The following CDH10 variants were observed in gnomAD, a reference collection of about 807,000 sequenced individuals.
CDH10 encodes the protein cadherin 10.
Under a neutral mutation model 73.1 loss-of-function variants are expected in CDH10, and 30 were observed. The ratio of observed to expected loss-of-function variants is 0.41; its 90% CI spans 0.31 to 0.56. The LOEUF (loss-of-function observed/expected upper bound fraction) is 0.56, where lower values mean the gene tolerates loss of function less well. Among genes scored for constraint, CDH10 ranks in the 20% least tolerant of loss-of-function variants. The probability of loss-of-function intolerance (pLI) is 0.27; values close to 1 mark genes in which losing one functional copy is unlikely to be tolerated. For synonymous variants in CDH10, 345 were observed against 348.2 expected, an observed-to-expected ratio of 0.99 and a Z score of 0.10; for missense variants, 815 against 973.7, an observed-to-expected ratio of 0.84 and a Z score of 2.17.
In CDH10 at chr5:24,544,849, T is replaced by C. The variant is rs1425666259; in HGVS notation, c.232-7175A>G. 3.9e-5 allele frequency among the ~76,000 whole-genome samples: 6 copies of C among 152,184 alleles called. No individual in the cohort carries two copies. In the East Asian group the frequency reaches 7.7e-4, roughly 20 times the overall value. On this transcript the variant is annotated intron_variant, in intron 2 of 11. Transcript: ENST00000264463. ...TTCTTGAAGCATTTCAACTAGGATA[T>C]ATTTATTTGCTAGCATTGGAAAGAT...
At chr5:24,642,330 A>T (rs562146400) in intron 1 of CDH10, among the ~76,000 whole-genome samples, 2 of 152,146 alleles carry the variant, frequency 1.3e-5, no homozygotes, top group African/African-American at 4.8e-5. Flanking sequence ...GAAATCCCCC[A>T]GATAGTATAT....
intron 11 of CDH10, among the ~76,000 whole-genome samples, chr5:24,490,202 A>C (rs2111626428): frequency 6.6e-6 from 1 of 152,228 alleles, no homozygotes; most frequent in East Asian, 1.9e-4. Context: ...TTTAAAGTAT[A>C]AATCCCCCAA....
intron 1 of CDH10, among the ~76,000 whole-genome samples, chr5:24,637,133 T>C (rs1747892134): frequency 6.6e-6 from 1 of 151,988 alleles, no homozygotes; most frequent in South Asian, 2.1e-4. Context: ...ATATAACAAG[T>C]CATGTGATTA....
chr5:24,527,712 C>T (rs778256449), intron 5 of CDH10, among the ~76,000 whole-genome samples: 37 of 151,816 alleles, frequency 2.4e-4, no homozygotes, highest in Non-Finnish European at 4.9e-4. Context: ...TCTAATCTTA[C>T]GAGACCACCA....
chr5:24,563,349 C>G (rs541026488), intron 2 of CDH10, among the ~76,000 whole-genome samples: 152 of 114,828 alleles, frequency 1.3e-3, no homozygotes, highest in African/African-American at 7.1e-3. Context: ...TGCGTTTCCA[C>G]TTACGCCTTT....
rs531434306 is a variant in CDH10, at chr5:24,545,432, T to C, written c.232-7758A>G. On this transcript the variant is annotated intron_variant, in intron 2 of 11. Coordinates refer to ENST00000264463, the MANE Select transcript of CDH10 (RefSeq NM_006727.5). Reference sequence around the variant, plus strand: ...CTTTGCTATGAGCTATACAAATATCTGAGAATCATTCTTTCCTCCTTTTCA... The same window carrying C: ...CTTTGCTATGAGCTATACAAATATCCGAGAATCATTCTTTCCTCCTTTTCA... Among the ~76,000 whole-genome samples the C allele has an allele frequency of 2.0e-5, 3 of 152,334 alleles. No individual in the cohort carries two copies. The South Asian group carries it at 6.2e-4, about 32-fold the overall frequency.
intron 2 of CDH10, among the ~76,000 whole-genome samples, chr5:24,585,712 C>T (rs531394748): frequency 9.2e-5 from 14 of 152,340 alleles, no homozygotes; most frequent in Non-Finnish European, 1.6e-4. Flanking sequence ...GCATGAGCCA[C>T]CGCTCCCAGC....
chr5:24,506,369 A>G (rs1482232648), intron 7 of CDH10, among the ~76,000 whole-genome samples: 2 of 152,206 alleles, frequency 1.3e-5, no homozygotes, highest in African/African-American at 4.8e-5. Flanking sequence ...ACATTCATGT[A>G]TTAAGAAAAT....
chr5:24,608,573 G>A (rs956288786), intron 1 of CDH10, among the ~76,000 whole-genome samples: 2 of 152,138 alleles, frequency 1.3e-5, no homozygotes, highest in Non-Finnish European at 2.9e-5. Flanking sequence ...TTACAGGCGT[G>A]AGCCACCGCA....
rs557633346 is a variant in CDH10 at position 24,629,414 on chromosome 5, A to T, written c.-124+15180T>A. ...AGGGTGAGGCCAGTTGTATATATTA[A>T]GTGAAAAGGATAACAAAGAAATAAA... On this transcript the variant is annotated intron_variant, in intron 1 of 11. Coordinates refer to ENST00000264463, the MANE Select transcript of CDH10 (RefSeq NM_006727.5). Among the ~76,000 whole-genome samples, 4 of 152,310 alleles carry T rather than the reference A, an allele frequency of 2.6e-5. No homozygotes were observed. The East Asian group carries it at 5.8e-4, about 22-fold the overall frequency.
chr5:24,630,550 T>TAAAAAAAAA (rs11385411), intron 1 of CDH10, among the ~76,000 whole-genome samples: 1 of 132,946 alleles, frequency 7.5e-6, no homozygotes, highest in Admixed American at 7.6e-5. Flanking sequence ...GAGATCATCT[T>TAAAAAAAAA]AAAAAAAAAA....
rs1331030034 is a variant in CDH10 at position 24,535,820 on chromosome 5, T to A, written c.529A>T (p.Thr177Ser). The A allele has an allele frequency of 6.2e-7, 1 of 1,607,236 alleles. No homozygotes were observed. The highest frequency in any genetic ancestry group is 8.5e-7 in the Non-Finnish European group (1 of 1,175,678). ...ASVPEMSVVGTSVVQVTATDA... is the reference protein window; with the variant it reads ...ASVPEMSVVGSSVVQVTATDA... ...GTAGCTGTGACTTGCACCACAGAAG[T>A]ACCTGAAGTATCCAAATTCAGCTTA... Residue 177 changes from threonine to serine, a missense_variant and splice_region_variant, in exon 4 of 12, where the codon ACT (threonine) becomes TCT (serine). Coordinates refer to ENST00000264463, the MANE Select transcript of CDH10 (RefSeq NM_006727.5).
At chr5:24,618,621 G>A (rs1390580956) in intron 1 of CDH10, among the ~76,000 whole-genome samples, 1 of 152,192 alleles carries the variant, frequency 6.6e-6, no homozygotes, top group Non-Finnish European at 1.5e-5. Context: ...CTAGCCAACT[G>A]ATTAAGCGAA....
In CDH10 at chr5:24,594,102, C is replaced by CAAACAAAACA. The variant is rs70965620; in HGVS notation, c.-123-499_-123-490dup. Among the ~76,000 whole-genome samples, 760 of 150,416 alleles carry CAAACAAAACA rather than the reference C, an allele frequency of 5.1e-3. 24 individuals carry two copies. Among genetic ancestry groups the CAAACAAAACA allele is most frequent in the Non-Finnish European group, 2.0e-3 (138 of 67,362 alleles). Reference sequence around the variant, plus strand: ...CTACTCAGAGGTAAAAGTAAAGGCACAAACAAAACAAAACAAAACAAAACA... The same window carrying CAAACAAAACA: ...CTACTCAGAGGTAAAAGTAAAGGCACAAACAAAACAAAACAAAACAAAACAAAACAAAACA... On this transcript the variant is annotated intron_variant, in intron 1 of 11. Coordinates refer to ENST00000264463, the MANE Select transcript of CDH10 (RefSeq NM_006727.5).
chr5:24,576,728 T>C (rs540200957), intron 2 of CDH10, among the ~76,000 whole-genome samples: 36 of 151,802 alleles, frequency 2.4e-4, no homozygotes, highest in South Asian at 4.2e-4. Context: ...ACAGAAGAAT[T>C]TCAGGTAATT....
At chr5:24,625,346 T>A (rs909814666) in intron 1 of CDH10, among the ~76,000 whole-genome samples, 1 of 151,816 alleles carries the variant, frequency 6.6e-6, no homozygotes, top group African/African-American at 2.4e-5. Context: ...CCAGATGTCT[T>A]AGTAATATGA....
intron 3 of CDH10, among the ~76,000 whole-genome samples, chr5:24,536,327 A>T (rs545413463): frequency 1.3e-5 from 2 of 152,246 alleles, no homozygotes; most frequent in Admixed American, 6.6e-5. Flanking sequence ...TCTATTTAAT[A>T]AAGTTCAAGA....
chr5:24,557,328 T>C (rs1318166606), intron 2 of CDH10, among the ~76,000 whole-genome samples: 2 of 151,788 alleles, frequency 1.3e-5, no homozygotes, highest in Admixed American at 1.3e-4. Flanking sequence ...AAAAAAGGTG[T>C]GATTTTTTTC....
chr5:24,544,575 G>C (rs559727927), intron 2 of CDH10, among the ~76,000 whole-genome samples: 1 of 152,240 alleles, frequency 6.6e-6, no homozygotes, highest in Non-Finnish European at 1.5e-5. Context: ...ACGTCAATAG[G>C]ATCTGGAGTA....
Sources: gnomAD v4.1 joint callset for allele counts (sites outside exome capture counted in the v4.1 genomes callset) on GRCh38, gnomAD v4.1.1 for gene constraint, MANE v1.5 for transcripts, NCBI Gene and HGNC (gene_info 2026-07-23, HGNC 2026-07-21) for gene names.